The following PMFBP1 variants were observed in gnomAD, a reference collection of about 807,000 sequenced individuals.
PMFBP1 encodes polyamine-modulated factor 1-binding protein 1.
In PMFBP1, 131 loss-of-function variants were observed where a neutral mutation model predicts 137.8. The ratio of observed to expected loss-of-function variants is 0.95; its 90% CI spans 0.82 to 1.10. The LOEUF (loss-of-function observed/expected upper bound fraction) is 1.10, where lower values mean the gene tolerates loss of function less well. Among genes scored for constraint, PMFBP1 ranks in the 50% least tolerant of loss-of-function variants. The probability of loss-of-function intolerance (pLI) is 0.00; values close to 1 mark genes in which losing one functional copy is unlikely to be tolerated. For synonymous variants in PMFBP1, 490 were observed against 450.4 expected, an observed-to-expected ratio of 1.09 and a Z score of -1.11; for missense variants, 1,199 against 1,175.4, an observed-to-expected ratio of 1.02 and a Z score of -0.29.
intron 3 of PMFBP1, among the ~76,000 whole-genome samples, chr16:72,157,828 T>C (rs750185989): frequency 6.6e-6 from 1 of 152,112 alleles, no homozygotes; most frequent in Non-Finnish European, 1.5e-5. Flanking sequence ...ACCAAGATGG[T>C]AGCAATGGAG....
rs561456314 is a variant in PMFBP1 at position 72,142,006 on chromosome 16, C to T, written c.637-1424G>A. 3.1e-3 allele frequency among the ~76,000 whole-genome samples: 312 copies of T among 100,776 alleles called. 2 individuals are homozygous for T. The highest frequency in any genetic ancestry group is 0.014 in the African/African-American group (307 of 21,510). 66.1% of individuals were successfully genotyped at this position (100,776 alleles called of 152,430 possible). A position where few individuals can be genotyped will look rare whatever the true frequency, so the allele number is the denominator to read the frequency against. ...CATAAGGGGGTAAATTGATATACAT[C>T]GTGAAAAAAAAAAAAAAAAGCAAAG... On this transcript the variant is annotated intron_variant, in intron 5 of 20. Coordinates refer to ENST00000237353, the MANE Select transcript of PMFBP1 (RefSeq NM_031293.3).
chr16:72,241,337 T>G, the PMFBP1 span, among the ~76,000 whole-genome samples: 1 of 152,238 alleles, frequency 6.6e-6, no homozygotes, highest in Non-Finnish European at 1.5e-5. Context: ...GTTCTATTTA[T>G]AGGTGTTCAC....
rs1290044503 is a variant in PMFBP1 at position 72,128,801 on chromosome 16, C to G, written c.1951-7G>C. ...TTCTGGAATTCTCTTTCAACTGTTC[C>G]CTCATTAAAGAACAAAGCACAGCAA... On this transcript the variant is annotated splice_polypyrimidine_tract_variant and splice_region_variant and intron_variant, in intron 13 of 20. Coordinates refer to ENST00000237353, the MANE Select transcript of PMFBP1 (RefSeq NM_031293.3). 1.2e-6 allele frequency: 2 copies of G among 1,614,068 alleles called. No homozygotes were observed. Among genetic ancestry groups the G allele is most frequent in the Non-Finnish European group, 1.7e-6 (2 of 1,179,992 alleles).
chr16:72,136,352 A>G (rs2042630753), intron 9 of PMFBP1, 96 bp downstream of exon 9: 2 of 1,434,014 alleles, frequency 1.4e-6, no homozygotes, highest in Admixed American at 4.1e-5. Context: ...GAGGCTCCCA[A>G]AGCAATAATG....
the PMFBP1 span, among the ~76,000 whole-genome samples, chr16:72,229,197 C>T: frequency 1.1e-4 from 17 of 152,210 alleles, no homozygotes; most frequent in South Asian, 4.2e-4. Flanking sequence ...TTCTTATTTA[C>T]GGCTGCATAA....
chr16:72,195,631 C>A, the PMFBP1 span, among the ~76,000 whole-genome samples: 1 of 152,230 alleles, frequency 6.6e-6, no homozygotes, highest in Non-Finnish European at 1.5e-5. Flanking sequence ...CAGACCTGGA[C>A]GTTATCTCCA....
intron 7 of PMFBP1, among the ~76,000 whole-genome samples, chr16:72,138,530 A>G (rs2042667799): frequency 6.6e-6 from 1 of 151,974 alleles, no homozygotes; most frequent in Non-Finnish European, 1.5e-5. Flanking sequence ...TATTTATTTT[A>G]TTTGAGATGG....
At chr16:72,242,487 C>T in the PMFBP1 span, among the ~76,000 whole-genome samples, 5 of 152,196 alleles carry the variant, frequency 3.3e-5, no homozygotes, top group African/African-American at 4.8e-5. Context: ...AGACAAAAAT[C>T]TATAGAACCT....
the PMFBP1 span, among the ~76,000 whole-genome samples, chr16:72,232,782 A>G: frequency 9.9e-5 from 15 of 152,264 alleles, no homozygotes; most frequent in African/African-American, 3.1e-4. Flanking sequence ...AAGCAGTGAA[A>G]AACAAATCCT....
intron 9 of PMFBP1, among the ~76,000 whole-genome samples, chr16:72,134,288 A>T (rs1173317728): frequency 6.6e-6 from 1 of 152,124 alleles, no homozygotes; most frequent in African/African-American, 2.4e-5. Flanking sequence ...CATATGGATA[A>T]CTACCACTGC....
intron 3 of PMFBP1, among the ~76,000 whole-genome samples, chr16:72,160,561 T>C (rs1425113742): frequency 1.3e-5 from 2 of 152,216 alleles, no homozygotes; most frequent in African/African-American, 2.4e-5. Context: ...ATTGTTCTGA[T>C]AACTGAATCC....
chr16:72,157,630 G>A (rs1315990439), intron 3 of PMFBP1, among the ~76,000 whole-genome samples: 3 of 152,108 alleles, frequency 2.0e-5, no homozygotes, highest in East Asian at 1.9e-4. Context: ...AGCCATTCTC[G>A]AGACTTTAAC....
chr16:72,151,202 T>C (rs1230995437), intron 4 of PMFBP1, among the ~76,000 whole-genome samples: 1 of 152,194 alleles, frequency 6.6e-6, no homozygotes, highest in Admixed American at 6.5e-5. Flanking sequence ...TCTCTAGAGG[T>C]TGAACTTAGA....
At chr16:72,157,178 C>A (rs1422853113) in intron 3 of PMFBP1, among the ~76,000 whole-genome samples, 1 of 101,566 alleles carries the variant, frequency 9.8e-6, no homozygotes, top group African/African-American at 4.0e-5. Context: ...AGCGAGACTC[C>A]ATCTCAAAAA....
chr16:72,211,856 G>A, the PMFBP1 span, among the ~76,000 whole-genome samples: 2 of 152,076 alleles, frequency 1.3e-5, no homozygotes, highest in African/African-American at 4.8e-5. Context: ...AATTAGCTGG[G>A]TATGGTGGTG....
At chr16:72,189,053 T>C in the PMFBP1 span, among the ~76,000 whole-genome samples, 7 of 151,892 alleles carry the variant, frequency 4.6e-5, no homozygotes, top group South Asian at 1.0e-3. Flanking sequence ...AAAATACTTT[T>C]AGTGTTGACT....
intron 3 of PMFBP1, among the ~76,000 whole-genome samples, chr16:72,162,841 G>A (rs921445187): frequency 2.6e-5 from 4 of 152,306 alleles, no homozygotes; most frequent in South Asian, 2.1e-4. Flanking sequence ...CAGCAATGGT[G>A]AAAATATCCT....
Position 72,151,714 on chromosome 16 carries a change from G to A in PMFBP1, c.415-885C>T, listed in dbSNP as rs550711193. On this transcript the variant is annotated intron_variant, in intron 4 of 20. Transcript: ENST00000237353. ...TAACTTTGTGTAAGGTGTCTACTAC[G>A]TAAGGGGAAGAAGAGAGGAATATTT... Among the ~76,000 whole-genome samples, 29 of 152,286 alleles carry A rather than the reference G, an allele frequency of 1.9e-4. 1 individual carries two copies. The highest frequency in any genetic ancestry group is 1.2e-3 in the East Asian group (6 of 5,190).
chr16:72,222,286 T>G, the PMFBP1 span, among the ~76,000 whole-genome samples: 17 of 152,318 alleles, frequency 1.1e-4, no homozygotes, highest in African/African-American at 4.1e-4. Context: ...CCTGGCATGT[T>G]AAACCTAAGA....
Sources: gnomAD v4.1 joint callset for allele counts (sites outside exome capture counted in the v4.1 genomes callset) on GRCh38, gnomAD v4.1.1 for gene constraint, MANE v1.5 for transcripts, NCBI Gene and HGNC (gene_info 2026-07-23, HGNC 2026-07-21) for gene names.